Variants in DGKH observed in about 807,000 individuals in gnomAD.
The protein encoded by DGKH is diacylglycerol kinase eta.
Under a neutral mutation model 159.3 loss-of-function variants are expected in DGKH, and 90 were observed. That is an observed-to-expected ratio of 0.57 (90% CI 0.48 to 0.67). DGKH has a LOEUF of 0.67. Ranked by LOEUF, DGKH falls within the 30% of genes least tolerant of loss-of-function variation. The pLI, the probability that DGKH is intolerant of heterozygous loss-of-function variation, is 0.00. For missense variants in DGKH, 1,181 were observed against 1,506.1 expected (o/e 0.78, Z 3.57); for synonymous variants, 536 against 553.8 (o/e 0.97, Z 0.45).
chr13:42,103,609 C>T (rs1954692038), intron 1 of DGKH, among the ~76,000 whole-genome samples: 1 of 152,148 alleles, frequency 6.6e-6, no homozygotes, highest in Non-Finnish European at 1.5e-5. Context: ...TTGCTGTGCA[C>T]CAAATGCAGT....
At chr13:42,115,242 GA>G (rs1341656323) in intron 1 of DGKH, among the ~76,000 whole-genome samples, 1 of 151,954 alleles carries the variant, frequency 6.6e-6, no homozygotes, top group Admixed American at 6.5e-5. Context: ...TGTTATCAAA[GA>G]AAAAAAGTTT....
chr13:42,143,922 T>C (rs533905692), intron 3 of DGKH, among the ~76,000 whole-genome samples: 1 of 152,318 alleles, frequency 6.6e-6, no homozygotes, highest in African/African-American at 2.4e-5. Context: ...TGATCTTAGT[T>C]ATTTCTAACA....
At chr13:42,042,326 A>G (rs1880561916) in intron 1 of DGKH, among the ~76,000 whole-genome samples, 1 of 152,226 alleles carries the variant, frequency 6.6e-6, no homozygotes, top group Non-Finnish European at 1.5e-5. Context: ...ATCCGGGTGT[A>G]TGTGTTTTGC....
intron 20 of DGKH, among the ~76,000 whole-genome samples, chr13:42,201,078 T>C (rs7997951): frequency 0.041 from 6,235 of 151,354 alleles, 214 homozygotes; most frequent in South Asian, 0.1. Flanking sequence ...CTGCAACCTC[T>C]ACCTGCTGGG....
chr13:42,199,081 C>T (rs1348551378), intron 18 of DGKH, among the ~76,000 whole-genome samples: 1 of 152,106 alleles, frequency 6.6e-6, no homozygotes, highest in Non-Finnish European at 1.5e-5. Context: ...AATGACATTC[C>T]TCAAGGAGAG....
intron 1 of DGKH, among the ~76,000 whole-genome samples, chr13:42,074,363 C>T (rs1374321822): frequency 6.6e-6 from 1 of 152,136 alleles, no homozygotes; most frequent in Non-Finnish European, 1.5e-5. Context: ...ATCAAAATTT[C>T]CATCCTGAGG....
rs972066067 is a variant in DGKH, at chr13:42,198,661, ACTG to A, written c.2285+67_2285+69del. ...TTGTTTTTTTTTTTTTTCAACATGA[ACTG>A]TAACATTTTAAATGTATTACAATAA... On this transcript the variant is annotated intron_variant, in intron 18 of 29. Coordinates refer to ENST00000337343, the MANE Select transcript of DGKH (RefSeq NM_178009.5). 2.3e-6 allele frequency: 3 copies of A among 1,293,374 alleles called. No individual in the cohort carries two copies. In the Admixed American group the frequency reaches 6.1e-5, roughly 26 times the overall value. 80.1% of individuals were successfully genotyped at this position (1,293,374 alleles called of 1,614,324 possible).
At chr13:42,218,950 G>GA (rs1399514205) in intron 26 of DGKH, among the ~76,000 whole-genome samples, 1 of 151,832 alleles carries the variant, frequency 6.6e-6, no homozygotes. Context: ...CATTTACACA[G>GA]AAAAAAACAC....
chr13:42,155,106 A>T (rs1956010478), intron 3 of DGKH, among the ~76,000 whole-genome samples, 185 bp from the exon 4 acceptor site: 1 of 152,222 alleles, frequency 6.6e-6, no homozygotes, highest in African/African-American at 2.4e-5. Flanking sequence ...TAGCAAAAGG[A>T]TCAAAGGTAG....
chr13:42,178,096 C>T (rs747179300), intron 12 of DGKH, 39 bp from the exon 13 acceptor site: 3 of 1,488,122 alleles, frequency 2.0e-6, no homozygotes, highest in East Asian at 2.3e-5. Flanking sequence ...GTATAAATGC[C>T]AGCAACAATA....
chr13:42,112,783 G>A (rs1019381554), intron 1 of DGKH, among the ~76,000 whole-genome samples: 2 of 152,134 alleles, frequency 1.3e-5, no homozygotes, highest in Admixed American at 6.5e-5. Flanking sequence ...CCTTGTTCCC[G>A]CTGTAGTTCT....
At chr13:42,178,267 T>C (rs1183403360) in intron 13 of DGKH, 47 bp downstream of exon 13, 1 of 1,426,810 alleles carries the variant, frequency 7.0e-7, no homozygotes, top group African/African-American at 1.4e-5. Context: ...AATGAAATGA[T>C]AGCTGGCTCC....
At chr13:42,154,623 C>CA (rs1955994090) in intron 3 of DGKH, among the ~76,000 whole-genome samples, 6 of 152,206 alleles carry the variant, frequency 3.9e-5, no homozygotes, top group South Asian at 2.1e-4. Context: ...TCGCTAAATA[C>CA]TAGTACAGTG....
rs894641061 is a variant in DGKH, at chr13:42,234,308, G to A, written c.*5120G>A. 4 of 152,072 alleles carry A rather than the reference G, an allele frequency of 2.6e-5. No individual in the cohort carries two copies. In the East Asian group the frequency reaches 5.8e-4, roughly 22 times the overall value. The allele number at this position is 152,072 out of a possible 1,614,324, so 9.4% of individuals were successfully genotyped here. On this transcript the variant is annotated 3_prime_UTR_variant, in exon 30 of 30. Coordinates refer to ENST00000337343, the MANE Select transcript of DGKH (RefSeq NM_178009.5). Reference sequence around the variant, plus strand: ...TCTTCATGGAACTTATTTTTAACAGGAATCAAGGAAGAAAATATTCATGCA... The same window carrying A: ...TCTTCATGGAACTTATTTTTAACAGAAATCAAGGAAGAAAATATTCATGCA...
chr13:42,048,728 G>A lies in DGKH; in HGVS notation c.-46G>A. On this transcript the variant is annotated 5_prime_UTR_variant, in exon 1 of 30. Transcript: ENST00000337343. This position sits in a 1 kb window ranked among gnomAD's most constrained non-coding sequence, Gnocchi z 6.7. ...CAGAGCCCACCCGCTGACCAACGCC[G>A]CCGCCCCCGCCGGGCGGTGCTGTGT... 1 of 1,228,462 alleles carries A rather than the reference G, an allele frequency of 8.1e-7. No homozygotes were observed. The allele number at this position is 1,228,462 out of a possible 1,614,324, so 76.1% of individuals were successfully genotyped here.
chr13:42,135,439 A>C (rs376609124), intron 3 of DGKH, among the ~76,000 whole-genome samples: 13 of 147,994 alleles, frequency 8.8e-5, no homozygotes, highest in African/African-American at 2.7e-4. Flanking sequence ...GCAGTAAGCC[A>C]AGATCGCACC....
At chr13:42,071,559 T>G (rs967112407) in intron 1 of DGKH, among the ~76,000 whole-genome samples, 1 of 152,242 alleles carries the variant, frequency 6.6e-6, no homozygotes, top group Non-Finnish European at 1.5e-5. Flanking sequence ...TCTAAGGTGC[T>G]GGTAAGCACT....
intron 15 of DGKH, 74 bp from the exon 16 acceptor site, chr13:42,190,329 T>C: frequency 6.5e-7 from 1 of 1,534,388 alleles, no homozygotes; most frequent in Non-Finnish European, 8.7e-7. Context: ...CAATTTGCCT[T>C]TCCTGAGCAT....
chr13:42,169,241 A>G (rs1261586213), intron 11 of DGKH, among the ~76,000 whole-genome samples: 3 of 152,200 alleles, frequency 2.0e-5, no homozygotes. Flanking sequence ...GATTTGTTAG[A>G]ATATCTCCTC....
Sources: allele counts gnomAD v4.1 joint callset (sites outside exome capture counted in the v4.1 genomes callset), GRCh38; gene constraint gnomAD v4.1.1; non-coding constraint Gnocchi (gnomAD v3.1); transcripts MANE v1.5; gene names NCBI Gene and HGNC (gene_info 2026-07-23, HGNC 2026-07-21).